NBAS: variants seen among roughly 807,000 people sequenced by gnomAD.
The protein encoded by NBAS is NAG/BC035112 fusion.
NBAS carries 219 observed loss-of-function variants against 302.5 expected under a neutral mutation model. The ratio of observed to expected loss-of-function variants is 0.72; its 90% CI spans 0.65 to 0.81. The LOEUF (loss-of-function observed/expected upper bound fraction) is 0.81, where lower values mean the gene tolerates loss of function less well. Ranked by LOEUF, NBAS falls within the 30% of genes least tolerant of loss-of-function variation. The pLI is 0.00. For missense variants in NBAS, 2,932 were observed against 2,841.6 expected (o/e 1.03, Z -0.72); for synonymous variants, 1,118 against 1,021.6 (o/e 1.09, Z -1.80).
intron 9 of NBAS, among the ~76,000 whole-genome samples, chr2:15,518,786 G>A (rs1170496527): frequency 2.6e-5 from 4 of 152,160 alleles, no homozygotes; most frequent in Non-Finnish European, 5.9e-5. Context: ...CATAATCATG[G>A]TGGAAGGCAA....
chr2:14,886,557 A>G, the NBAS span: 1 of 152,196 alleles, frequency 6.6e-6, no homozygotes, highest in African/African-American at 2.4e-5. Context: ...AATTGTACCT[A>G]GTATAGGCCT....
At chr2:15,403,715 T>A (rs1459521468) in intron 25 of NBAS, among the ~76,000 whole-genome samples, 1 of 152,152 alleles carries the variant, frequency 6.6e-6, no homozygotes, top group East Asian at 1.9e-4. Context: ...ATGAACGTAT[T>A]CATCTGAAAA....
intron 23 of NBAS, among the ~76,000 whole-genome samples, chr2:15,421,323 C>G (rs1316911681): frequency 6.6e-6 from 1 of 152,132 alleles, no homozygotes; most frequent in Non-Finnish European, 1.5e-5. Flanking sequence ...GAATCTGTTG[C>G]CTTCCCAAAT....
chr2:14,872,495 G>C, the NBAS span, among the ~76,000 whole-genome samples: 1 of 152,146 alleles, frequency 6.6e-6, no homozygotes, highest in Non-Finnish European at 1.5e-5. Context: ...TCTGGAATTG[G>C]TGGGTTATTG....
chr2:14,865,519 T>G, the NBAS span, among the ~76,000 whole-genome samples: 2 of 152,264 alleles, frequency 1.3e-5, no homozygotes, highest in South Asian at 4.1e-4. Context: ...GAAGCTTAAT[T>G]TTCAACTAGG....
At chr2:14,858,661 T>C in the NBAS span, among the ~76,000 whole-genome samples, 27 of 152,082 alleles carry the variant, frequency 1.8e-4, 1 homozygote, top group Admixed American at 1.1e-3. Flanking sequence ...AACCAGAGGA[T>C]GGGAAGTGTA....
At position 15,254,669 on chromosome 2, in the gene NBAS, C is replaced by T. The variant is rs947417899; in HGVS notation, c.5725-15983G>A. 4.6e-5 allele frequency among the ~76,000 whole-genome samples: 7 copies of T among 152,094 alleles called. 1 individual carries two copies. Among genetic ancestry groups the T allele is most frequent in the Non-Finnish European group, 1.0e-4 (7 of 68,016 alleles). The stretch of plus-strand genomic sequence containing the variant: ...CTGGAGCAGTGTATACTATATCCAA[C>T]GTGTAGTATTTTCTCTCTCATTCCC... On this transcript the variant is annotated intron_variant, in intron 44 of 51. Transcript: ENST00000281513.
intron 39 of NBAS, 54 bp from the exon 40 acceptor site, chr2:15,308,407 T>C: frequency 2.5e-6 from 4 of 1,579,096 alleles, no homozygotes; most frequent in Non-Finnish European, 3.4e-6. Context: ...ATGAAGATCA[T>C]TATAAACCAT....
At chr2:15,225,046 G>T (rs1335547370) in intron 47 of NBAS, among the ~76,000 whole-genome samples, 2 of 152,148 alleles carry the variant, frequency 1.3e-5, no homozygotes, top group East Asian at 3.9e-4. Context: ...TATATTAAAA[G>T]AAAAATGCCT....
intron 25 of NBAS, among the ~76,000 whole-genome samples, chr2:15,410,276 T>C (rs1183770673): frequency 1.2e-4 from 19 of 152,210 alleles, no homozygotes; most frequent in Admixed American, 1.2e-3. Context: ...AGAAAGTTTG[T>C]GAATTCTATC....
chr2:15,243,497 C>T (rs1325284059), intron 44 of NBAS, among the ~76,000 whole-genome samples: 1 of 150,262 alleles, frequency 6.7e-6, no homozygotes, highest in East Asian at 1.9e-4. Context: ...AAAGCCTCTA[C>T]AAACCTTAGC....
intron 11 of NBAS, among the ~76,000 whole-genome samples, chr2:15,502,931 C>CTA (rs1661648995): frequency 6.6e-6 from 1 of 152,172 alleles, no homozygotes; most frequent in African/African-American, 2.4e-5. Flanking sequence ...CACAAACATG[C>CTA]TATACATACA....
the NBAS span, among the ~76,000 whole-genome samples, chr2:15,147,687 A>G: frequency 6.6e-6 from 1 of 152,144 alleles, no homozygotes; most frequent in Non-Finnish European, 1.5e-5. Flanking sequence ...TAAACATATT[A>G]AGGCAATTGC....
chr2:15,219,008 C>G (rs758116751), intron 47 of NBAS, 40 bp from the exon 48 acceptor site: 2 of 1,609,088 alleles, frequency 1.2e-6, no homozygotes, highest in East Asian at 2.2e-5. Context: ...AACTCCTAAG[C>G]CTTTTATTTT....
the NBAS span, among the ~76,000 whole-genome samples, chr2:15,100,972 G>A: frequency 6.6e-6 from 1 of 152,146 alleles, no homozygotes. Flanking sequence ...TAGTTTGCAA[G>A]AATAACAGCC....
At chr2:14,840,770 G>A in the NBAS span, among the ~76,000 whole-genome samples, 2 of 152,030 alleles carry the variant, frequency 1.3e-5, no homozygotes, top group East Asian at 3.9e-4. Context: ...CATCTTACAA[G>A]AATTGCTAAA....
the NBAS span, among the ~76,000 whole-genome samples, chr2:15,032,425 T>C: frequency 0.8 from 122,353 of 152,194 alleles, 49,717 homozygotes; most frequent in East Asian, 1. Context: ...TTGCCCAATT[T>C]TATTTATGTT....
the NBAS span, among the ~76,000 whole-genome samples, chr2:14,941,696 T>C: frequency 6.6e-6 from 1 of 152,218 alleles, no homozygotes; most frequent in African/African-American, 2.4e-5. Context: ...CCAATTGTCA[T>C]AGCGACAAAT....
At chr2:15,223,632 C>G (rs953618216) in intron 47 of NBAS, among the ~76,000 whole-genome samples, 4 of 151,720 alleles carry the variant, frequency 2.6e-5, no homozygotes, top group African/African-American at 9.7e-5. Flanking sequence ...AGATCGAGAC[C>G]ATCCTGGCCA....
Sources: allele counts gnomAD v4.1 joint callset (sites outside exome capture counted in the v4.1 genomes callset), GRCh38; gene constraint gnomAD v4.1.1; transcripts MANE v1.5; gene names NCBI Gene and HGNC (gene_info 2026-07-23, HGNC 2026-07-21).